The following COL4A2 variants were observed in gnomAD, a reference collection of about 807,000 sequenced individuals.
The protein encoded by COL4A2 is collagen alpha-2(IV) chain.
A neutral mutation model predicts 200.2 loss-of-function variants in COL4A2; 99 were observed. The ratio of observed to expected loss-of-function variants is 0.49; its 90% CI spans 0.42 to 0.58. The LOEUF is 0.58. Among genes scored for constraint, COL4A2 ranks in the 20% least tolerant of loss-of-function variants. The pLI is 0.00. For missense variants in COL4A2, 1,950 were observed against 2,314.1 expected (o/e 0.84, Z 3.23); for synonymous variants, 897 against 900.6 (o/e 1.00, Z 0.07).
At chr13:110,369,881 C>T (rs1877927503) in intron 4 of COL4A2, among the ~76,000 whole-genome samples, 1 of 152,148 alleles carries the variant, frequency 6.6e-6, no homozygotes, top group South Asian at 2.1e-4. Flanking sequence ...CGCAGCACAG[C>T]ATAGGGAAGA....
intron 21 of COL4A2, chr13:110,457,788 A>G: frequency 2.1e-6 from 1 of 484,128 alleles, no homozygotes; most frequent in South Asian, 1.5e-5. Flanking sequence ...CTCAGCTCCA[A>G]GGCATTGTAA....
intron 3 of COL4A2, among the ~76,000 whole-genome samples, chr13:110,332,486 A>G (rs7317004): frequency 0.095 from 14,454 of 152,112 alleles, 943 homozygotes; most frequent in African/African-American, 0.18. Flanking sequence ...TCCTGTCGCA[A>G]TGATAGACAG....
intron 3 of COL4A2, among the ~76,000 whole-genome samples, chr13:110,320,056 A>G (rs965576841): frequency 2.0e-5 from 3 of 152,264 alleles, no homozygotes; most frequent in Non-Finnish European, 2.9e-5. Flanking sequence ...ACGCATTTCT[A>G]GTTAAGGCAC....
chr13:110,352,679 C>T (rs542620680), intron 3 of COL4A2, among the ~76,000 whole-genome samples: 2 of 152,272 alleles, frequency 1.3e-5, no homozygotes, highest in South Asian at 2.1e-4. Flanking sequence ...GTGCCGGATA[C>T]GGTTCAGATT....
intron 16 of COL4A2, among the ~76,000 whole-genome samples, chr13:110,441,843 G>A (rs372856237): frequency 6.6e-6 from 1 of 151,846 alleles, no homozygotes. Context: ...CAGTTTGGGA[G>A]GCCAAGGTGA....
chr13:110,456,748 C>A (rs573966887), intron 20 of COL4A2: 58 of 474,124 alleles, frequency 1.2e-4, no homozygotes, highest in Non-Finnish European at 2.2e-4. Context: ...TCTGGGGGGA[C>A]CCTGGGCATC....
At chr13:110,338,095 T>C (rs1876283908) in intron 3 of COL4A2, among the ~76,000 whole-genome samples, 1 of 152,220 alleles carries the variant, frequency 6.6e-6, no homozygotes, top group African/African-American at 2.4e-5. Flanking sequence ...CCTAAGCTGA[T>C]TTTTAAATTA....
At chr13:110,460,190 A>C (rs1881970196) in intron 22 of COL4A2, among the ~76,000 whole-genome samples, 1 of 152,236 alleles carries the variant, frequency 6.6e-6, no homozygotes, top group Non-Finnish European at 1.5e-5. Flanking sequence ...CTGAGCCCAC[A>C]GCATGGAAGG....
chr13:110,459,916 C>T (rs1187756014), intron 22 of COL4A2, among the ~76,000 whole-genome samples: 1 of 152,182 alleles, frequency 6.6e-6, no homozygotes, highest in Non-Finnish European at 1.5e-5. Flanking sequence ...GTGTGGACCC[C>T]ACACACATCA....
At chr13:110,385,921 G>A (rs112847784) in intron 4 of COL4A2, among the ~76,000 whole-genome samples, 442 of 29,078 alleles carry the variant, frequency 0.015, 184 homozygotes, top group East Asian at 0.043. Flanking sequence ...GCGTGTGGAT[G>A]GGCCGTGGTT....
At chr13:110,492,788 G>A (rs1204181637) in intron 38 of COL4A2, among the ~76,000 whole-genome samples, 3 of 152,242 alleles carry the variant, frequency 2.0e-5, no homozygotes, top group African/African-American at 7.2e-5. Context: ...TAGTGAGTCT[G>A]TTAAAAAGAT....
intron 4 of COL4A2, among the ~76,000 whole-genome samples, chr13:110,423,589 T>C (rs1304936460): frequency 6.6e-6 from 1 of 152,198 alleles, no homozygotes; most frequent in African/African-American, 2.4e-5. Context: ...TTTTGAGTCA[T>C]ATTGGCGTGT....
chr13:110,457,906 C>T (rs546750501), intron 21 of COL4A2, among the ~76,000 whole-genome samples: 1 of 152,246 alleles, frequency 6.6e-6, no homozygotes, highest in South Asian at 2.1e-4. Flanking sequence ...TCTCCCTTCC[C>T]GTTGATGAGG....
chr13:110,477,070 C>T (rs368624264), intron 29 of COL4A2, among the ~76,000 whole-genome samples: 2 of 152,130 alleles, frequency 1.3e-5, no homozygotes, highest in African/African-American at 2.4e-5. Context: ...GCAAAGAGGC[C>T]GGGCACAGTG....
rs532042527 is a variant in COL4A2 at position 110,486,893 on chromosome 13, C to T, written c.3207+1057C>T. 2.0e-4 allele frequency among the ~76,000 whole-genome samples: 31 copies of T among 152,138 alleles called. 1 individual carries two copies. Among genetic ancestry groups the T allele is most frequent in the Non-Finnish European group, 4.0e-4 (27 of 68,022 alleles). ...AGGCAGGAACAGGCCATTTTCACTT[C>T]TTTTGTGGTGGAATGTCATCAGTTA... On this transcript the variant is annotated intron_variant, in intron 34 of 47. Transcript: ENST00000360467.
At chr13:110,309,754 G>A (rs933534308) in intron 3 of COL4A2, among the ~76,000 whole-genome samples, 2 of 143,906 alleles carry the variant, frequency 1.4e-5, no homozygotes, top group Non-Finnish European at 3.2e-5. Context: ...TTGGGAGGCC[G>A]CGGCCTGTGG....
intron 27 of COL4A2, among the ~76,000 whole-genome samples, chr13:110,467,827 A>T (rs1397113574): frequency 6.6e-6 from 1 of 152,236 alleles, no homozygotes; most frequent in Admixed American, 6.5e-5. Context: ...GCCTGTGTCC[A>T]TCAGCCTGAG....
intron 17 of COL4A2, among the ~76,000 whole-genome samples, chr13:110,446,101 C>A (rs970105478): frequency 6.6e-6 from 1 of 152,192 alleles, no homozygotes; most frequent in Non-Finnish European, 1.5e-5. Flanking sequence ...CCACTCAGGG[C>A]CACGTAGGGG....
At chr13:110,330,971 G>A (rs574515365) in intron 3 of COL4A2, among the ~76,000 whole-genome samples, 3 of 152,150 alleles carry the variant, frequency 2.0e-5, no homozygotes, top group South Asian at 2.1e-4. Context: ...CGATCTCGCC[G>A]TGCCATCACT....
Sources: gnomAD v4.1 joint callset for allele counts (sites outside exome capture counted in the v4.1 genomes callset) on GRCh38, gnomAD v4.1.1 for gene constraint, MANE v1.5 for transcripts, NCBI Gene and HGNC (gene_info 2026-07-23, HGNC 2026-07-21) for gene names.